Variants in DNAAF11 observed in about 807,000 individuals in gnomAD.
DNAAF11 encodes the protein dynein axonemal assembly factor 11, also known as leucine rich repeat containing 6.
In DNAAF11, 45 loss-of-function variants were observed where a neutral mutation model predicts 60.8. The ratio of observed to expected loss-of-function variants is 0.74; its 90% CI spans 0.58 to 0.95. DNAAF11 has a LOEUF of 0.95. Among genes scored for constraint, DNAAF11 ranks in the 40% least tolerant of loss-of-function variants. The probability of loss-of-function intolerance (pLI) is 0.00; values close to 1 mark genes in which losing one functional copy is unlikely to be tolerated. For missense variants in DNAAF11, 546 were observed against 546.2 expected (o/e 1.00, Z 0.00); for synonymous variants, 191 against 183.5 (o/e 1.04, Z -0.33).
intron 4 of DNAAF11, 123 bp downstream of exon 4, chr8:132,637,812 G>T: frequency 1.4e-6 from 1 of 728,642 alleles, no homozygotes; most frequent in Non-Finnish European, 2.2e-6. Flanking sequence ...AATTACTTTG[G>T]GCTCTCTGGA....
chr8:132,642,501 A>C (rs1211483024), intron 3 of DNAAF11, among the ~76,000 whole-genome samples: 1 of 152,220 alleles, frequency 6.6e-6, no homozygotes, highest in Non-Finnish European at 1.5e-5. Context: ...TAGATGTCTG[A>C]AATGCTCACA....
intron 3 of DNAAF11, among the ~76,000 whole-genome samples, chr8:132,645,457 C>T (rs903864538): frequency 6.6e-6 from 1 of 152,124 alleles, no homozygotes; most frequent in Non-Finnish European, 1.5e-5. Flanking sequence ...AGCTCCTCGC[C>T]AGCAACGGAA....
chr8:132,602,744 A>AATATATATATATATATATATATATAT (rs35316805), intron 10 of DNAAF11, among the ~76,000 whole-genome samples: 1 of 141,852 alleles, frequency 7.0e-6, no homozygotes, highest in African/African-American at 2.6e-5. Flanking sequence ...CTTAATTTGA[A>AATATATATATATATATATATATATAT]ATATATATAT....
At chr8:132,696,356 T>G in the DNAAF11 span, among the ~76,000 whole-genome samples, 1 of 152,142 alleles carries the variant, frequency 6.6e-6, no homozygotes, top group African/African-American at 2.4e-5. Flanking sequence ...GAATACATAA[T>G]AGTACACTCA....
At chr8:132,692,749 C>T in the DNAAF11 span, among the ~76,000 whole-genome samples, 164 of 152,310 alleles carry the variant, frequency 1.1e-3, 5 homozygotes, top group Admixed American at 9.8e-3. Context: ...TTCCCAGGTC[C>T]ATTCGCAACC....
the DNAAF11 span, among the ~76,000 whole-genome samples, chr8:132,692,934 C>T: frequency 6.2e-4 from 94 of 152,322 alleles, no homozygotes; most frequent in Admixed American, 1.2e-3. Context: ...AAAAAGCATT[C>T]CTGATTTCTT....
chr8:132,573,881 A>G (rs924434096), intron 11 of DNAAF11, among the ~76,000 whole-genome samples: 1 of 152,230 alleles, frequency 6.6e-6, no homozygotes, highest in African/African-American at 2.4e-5. Context: ...AGAATATAAA[A>G]TAGTATATTC....
intron 10 of DNAAF11, among the ~76,000 whole-genome samples, chr8:132,600,732 T>A (rs1564002680): frequency 1.3e-5 from 2 of 152,226 alleles, no homozygotes; most frequent in African/African-American, 4.8e-5. Context: ...TGTAGAAAGC[T>A]GAAACTGGAT....
intron 10 of DNAAF11, among the ~76,000 whole-genome samples, chr8:132,584,949 A>T (rs1815734324): frequency 6.6e-6 from 1 of 152,130 alleles, no homozygotes; most frequent in African/African-American, 2.4e-5. Flanking sequence ...ATTTAGCCTT[A>T]ACACTAAGCC....
the DNAAF11 span, among the ~76,000 whole-genome samples, chr8:132,683,027 C>T: frequency 6.6e-6 from 1 of 152,204 alleles, no homozygotes; most frequent in Non-Finnish European, 1.5e-5. Context: ...GCCCCACCTC[C>T]AACAATGGGA....
intron 10 of DNAAF11, among the ~76,000 whole-genome samples, chr8:132,600,543 C>A (rs896419626): frequency 1.3e-5 from 2 of 152,174 alleles, no homozygotes; most frequent in South Asian, 2.1e-4. Context: ...GCTATAGTAA[C>A]CAAAACAGCA....
Position 132,570,735 on chromosome 8 carries a change from A to C in DNAAF11, c.*1571T>G, listed in dbSNP as rs1814103729. 6.6e-6 allele frequency among the ~76,000 whole-genome samples: 1 copy of C among 152,184 alleles called. No individual in the cohort carries two copies. The highest frequency in any genetic ancestry group is 2.4e-5 in the African/African-American group (1 of 41,448). ...CTGCAGCTGATCCTTGATCTCCACC[A>C]CTGTGTGTCCATCCCATCTTTCTTA... On this transcript the variant is annotated 3_prime_UTR_variant, in exon 12 of 12. Coordinates refer to ENST00000620350, the MANE Select transcript of DNAAF11 (RefSeq NM_012472.6).
chr8:132,657,635 A>G (rs1456819178), intron 2 of DNAAF11, among the ~76,000 whole-genome samples: 1 of 152,236 alleles, frequency 6.6e-6, no homozygotes, highest in Non-Finnish European at 1.5e-5. Flanking sequence ...GAAAGCCAAT[A>G]CAGGCAAAAC....
In DNAAF11 at chr8:132,572,685, T is replaced by TA. The variant is rs34229467; in HGVS notation, c.1227-206dup. On this transcript the variant is annotated intron_variant, in intron 11 of 11. Coordinates refer to ENST00000620350, the MANE Select transcript of DNAAF11 (RefSeq NM_012472.6). Reference sequence around the variant, plus strand: ...TCTGACCTGTGGAGAAGAAAAGTTCTAAAAAAAAAAAAAAAAGTCACTGGG... The same window carrying TA: ...TCTGACCTGTGGAGAAGAAAAGTTCTAAAAAAAAAAAAAAAAAGTCACTGGG... Among the ~76,000 whole-genome samples, 24,608 of 132,784 alleles carry TA rather than the reference T, an allele frequency of 0.19. 3,240 individuals carry two copies. Among genetic ancestry groups the TA allele is most frequent in the African/African-American group, 0.39 (14,751 of 37,442 alleles). 87.1% of individuals were successfully genotyped at this position (132,784 alleles called of 152,430 possible).
At chr8:132,600,737 C>A (rs1230421127) in intron 10 of DNAAF11, among the ~76,000 whole-genome samples, 3 of 152,196 alleles carry the variant, frequency 2.0e-5, no homozygotes, top group Non-Finnish European at 4.4e-5. Flanking sequence ...AAAGCTGAAA[C>A]TGGATCCCTT....
Position 132,571,022 on chromosome 8 carries a change from T to C in DNAAF11, c.*1284A>G, listed in dbSNP as rs1814131136. ...CTTCACTACCCAGCTCTTCCCACATTTGTGCCCAATTGCATTCCTATAACC... is the reference window on the plus strand; with the variant it reads ...CTTCACTACCCAGCTCTTCCCACATCTGTGCCCAATTGCATTCCTATAACC... On this transcript the variant is annotated 3_prime_UTR_variant, in exon 12 of 12. Coordinates refer to ENST00000620350, the MANE Select transcript of DNAAF11 (RefSeq NM_012472.6). Among the ~76,000 whole-genome samples the C allele has an allele frequency of 6.6e-6, 1 of 152,198 alleles. No individual in the cohort carries two copies. The highest frequency in any genetic ancestry group is 1.5e-5 in the Non-Finnish European group (1 of 68,024).
At chr8:132,641,512 T>C (rs747569441) in intron 3 of DNAAF11, among the ~76,000 whole-genome samples, 2 of 151,774 alleles carry the variant, frequency 1.3e-5, no homozygotes, top group Non-Finnish European at 2.9e-5. Flanking sequence ...GAAATACTTG[T>C]AGAAGAAATG....
rs1586431713 is a variant in DNAAF11 at position 132,572,020 on chromosome 8, A to T, written c.*286T>A. On this transcript the variant is annotated 3_prime_UTR_variant, in exon 12 of 12. Coordinates refer to ENST00000620350, the MANE Select transcript of DNAAF11 (RefSeq NM_012472.6). Reference sequence around the variant, plus strand: ...ATGAATTAATACTTTGCATAAGTAGACAGTATTTATAATCAGTGTTTTATG... The same window carrying T: ...ATGAATTAATACTTTGCATAAGTAGTCAGTATTTATAATCAGTGTTTTATG... 3.5e-6 allele frequency: 1 copy of T among 284,410 alleles called. No individual in the cohort carries two copies. The highest frequency in any genetic ancestry group is 6.1e-5 in the East Asian group (1 of 16,266). 17.6% of individuals were successfully genotyped at this position (284,410 alleles called of 1,614,324 possible).
At chr8:132,677,511 A>G (rs1825805144), upstream of DNAAF11, among the ~76,000 whole-genome samples, 1 of 152,204 alleles carries the variant, frequency 6.6e-6, no homozygotes, top group Non-Finnish European at 1.5e-5. Context: ...AAAGTTCTCA[A>G]GAGCAATTGC....
Sources: allele counts gnomAD v4.1 joint callset (sites outside exome capture counted in the v4.1 genomes callset), GRCh38; gene constraint gnomAD v4.1.1; transcripts MANE v1.5; gene names NCBI Gene and HGNC (gene_info 2026-07-23, HGNC 2026-07-21).